KIF6: variants seen among roughly 807,000 people sequenced by gnomAD.
KIF6 encodes kinesin family member 6.
Under a neutral mutation model 112.7 loss-of-function variants are expected in KIF6, and 106 were observed. The observed-to-expected ratio is 0.94, with a 90% CI of 0.80 to 1.11. The LOEUF (loss-of-function observed/expected upper bound fraction) is 1.11. Among genes scored for constraint, KIF6 ranks in the 50% least tolerant of loss-of-function variants. KIF6 has a pLI of 0.00. For missense variants in KIF6, 929 were observed against 964.0 expected (o/e 0.96, Z 0.48); for synonymous variants, 339 against 339.9 (o/e 1.00, Z 0.03).
intron 1 of KIF6, among the ~76,000 whole-genome samples, chr6:39,721,809 G>T (rs1273055845): frequency 3.5e-5 from 5 of 141,732 alleles, no homozygotes; most frequent in Non-Finnish European, 7.6e-5. Flanking sequence ...AGATTTAAAG[G>T]TTTTTTTTTT....
intron 13 of KIF6, among the ~76,000 whole-genome samples, chr6:39,509,351 C>G (rs1776633101): frequency 1.3e-5 from 2 of 152,166 alleles, no homozygotes; most frequent in Admixed American, 6.5e-5. Flanking sequence ...TCCTCTCCAG[C>G]AAGGGAACAA....
At chr6:39,645,653 G>A (rs1785127931) in intron 3 of KIF6, among the ~76,000 whole-genome samples, 1 of 152,084 alleles carries the variant, frequency 6.6e-6, no homozygotes. Flanking sequence ...TTTGGTATCA[G>A]GATGATGCTG....
At chr6:39,598,571 A>ATG (rs1491347322) in intron 6 of KIF6, among the ~76,000 whole-genome samples, 14 of 137,544 alleles carry the variant, frequency 1.0e-4, no homozygotes, top group African/African-American at 3.7e-4. Flanking sequence ...GCAGGTATAC[A>ATG]TATATATGTG....
intron 7 of KIF6, among the ~76,000 whole-genome samples, chr6:39,588,466 G>A (rs111771615): frequency 4.6e-5 from 7 of 152,022 alleles, no homozygotes; most frequent in African/African-American, 9.7e-5. Context: ...CACCCGCCTC[G>A]GCCTCCCAAA....
rs1412238574 is a variant in KIF6, at chr6:39,534,327, G to A, written c.1645+5676C>T. Among the ~76,000 whole-genome samples the A allele has an allele frequency of 5.3e-5, 8 of 152,200 alleles. 1 individual carries two copies. Among genetic ancestry groups the A allele is most frequent in the Admixed American group, 5.2e-4 (8 of 15,278 alleles). On this transcript the variant is annotated intron_variant, in intron 13 of 22. Transcript: ENST00000287152. Reference sequence around the variant, plus strand: ...TAATAACTTTGAAAAAAATTTAGAAGAATGTATAACTAGAATAACCAATAC... The same window carrying A: ...TAATAACTTTGAAAAAAATTTAGAAAAATGTATAACTAGAATAACCAATAC...
At chr6:39,418,142 C>T (rs900231046) in intron 15 of KIF6, among the ~76,000 whole-genome samples, 2 of 152,168 alleles carry the variant, frequency 1.3e-5, no homozygotes, top group African/African-American at 2.4e-5. Flanking sequence ...GTGACTGGGC[C>T]CTCTGAGAAT....
intron 3 of KIF6, among the ~76,000 whole-genome samples, chr6:39,649,478 C>A (rs965774875): frequency 6.6e-6 from 1 of 152,138 alleles, no homozygotes; most frequent in African/African-American, 2.4e-5. Flanking sequence ...GGTTATTAAA[C>A]TAGAGTCACA....
At chr6:39,594,881 TC>T (rs1782164277) in intron 7 of KIF6, among the ~76,000 whole-genome samples, 2 of 152,134 alleles carry the variant, frequency 1.3e-5, no homozygotes, top group Admixed American at 6.6e-5. Context: ...GTAGTTGCCA[TC>T]TTTAACATTC....
chr6:39,553,182 T>C (rs1032046710), intron 10 of KIF6, among the ~76,000 whole-genome samples: 6 of 152,334 alleles, frequency 3.9e-5, no homozygotes, highest in East Asian at 1.9e-4. Flanking sequence ...GACCCTTACA[T>C]GCAAGGAATT....
rs192775003 is a variant in KIF6, at chr6:39,330,420, C to T, written c.*6112G>A. 1 of 152,228 alleles carries T rather than the reference C, an allele frequency of 6.6e-6. No individual in the cohort carries two copies. Among genetic ancestry groups the T allele is most frequent in the Non-Finnish European group, 1.5e-5 (1 of 68,050 alleles). 9.4% of individuals were successfully genotyped at this position (152,228 alleles called of 1,614,324 possible). On this transcript the variant is annotated 3_prime_UTR_variant, in exon 23 of 23. Transcript: ENST00000287152. ...GCAAAGCATGTCAAAGCACAGGTTA[C>T]CCCCAAAACATGGGGCTGAAGGCAT...
At chr6:39,664,716 C>T (rs111791263) in intron 3 of KIF6, among the ~76,000 whole-genome samples, 547 of 152,028 alleles carry the variant, frequency 3.6e-3, no homozygotes, top group Non-Finnish European at 5.3e-3. Flanking sequence ...TTTTTTGCAT[C>T]CTTTCCAAAA....
Position 39,357,226 on chromosome 6 carries a change from T to C in KIF6, c.2180+51A>G, listed in dbSNP as rs144915881. 7.3e-4 allele frequency: 821 copies of C among 1,131,402 alleles called. 3 individuals carry two copies. In the African/African-American group the frequency reaches 0.011, roughly 15 times the overall value. 70.1% of individuals were successfully genotyped at this position (1,131,402 alleles called of 1,614,324 possible). ...CACAGGAATAGGTTAAACAGAAAGG[T>C]AGGGAGCCTTTTCTGGGAACTCTAA... On this transcript the variant is annotated intron_variant, in intron 19 of 22. Transcript: ENST00000287152.
chr6:39,519,703 CAAACA>C (rs370813610), intron 13 of KIF6, among the ~76,000 whole-genome samples: 4 of 146,014 alleles, frequency 2.7e-5, no homozygotes, highest in African/African-American at 7.9e-5. Flanking sequence ...CACCCCGCTC[CAAACA>C]AAACAAAACA....
At chr6:39,588,155 C>A (rs986723758) in intron 7 of KIF6, among the ~76,000 whole-genome samples, 1 of 152,014 alleles carries the variant, frequency 6.6e-6, no homozygotes, top group Admixed American at 6.5e-5. Flanking sequence ...TGTTTTCTGT[C>A]TTATCTACAC....
chr6:39,385,756 G>GAAAA (rs10655582), intron 15 of KIF6, 84 bp from the exon 16 acceptor site: 177 of 501,866 alleles, frequency 3.5e-4, no homozygotes, highest in African/African-American at 9.1e-4. Flanking sequence ...GCAAGCTACA[G>GAAAA]AAAAAAAAAA....
At chr6:39,633,337 C>T (rs1368783755) in intron 5 of KIF6, among the ~76,000 whole-genome samples, 2 of 151,894 alleles carry the variant, frequency 1.3e-5, no homozygotes, top group Admixed American at 6.6e-5. Context: ...AGAGAGGTAA[C>T]ATAATATATA....
intron 17 of KIF6, 121 bp downstream of exon 17, chr6:39,362,313 G>A: frequency 2.6e-6 from 2 of 767,322 alleles, no homozygotes; most frequent in Non-Finnish European, 4.6e-6. Context: ...TCCTCCTGCT[G>A]TTCTAGGATC....
At chr6:39,347,195 C>T (rs752128922) in intron 19 of KIF6, among the ~76,000 whole-genome samples, 2 of 152,200 alleles carry the variant, frequency 1.3e-5, no homozygotes, top group Admixed American at 6.5e-5. Context: ...GTGGCAGAAT[C>T]GGGAACTACT....
chr6:39,589,224 C>T (rs191652762), intron 7 of KIF6, among the ~76,000 whole-genome samples: 6 of 152,308 alleles, frequency 3.9e-5, no homozygotes, highest in African/African-American at 1.4e-4. Context: ...TTCCATTATT[C>T]ACATCTTTGC....
Sources: allele counts gnomAD v4.1 joint callset (sites outside exome capture counted in the v4.1 genomes callset), GRCh38; gene constraint gnomAD v4.1.1; transcripts MANE v1.5; gene names NCBI Gene and HGNC (gene_info 2026-07-23, HGNC 2026-07-21).